The following HMGA2 variants were observed in gnomAD, a reference collection of about 807,000 sequenced individuals.
HMGA2 encodes high mobility group protein HMGI-C.
A neutral mutation model predicts 19.1 loss-of-function variants in HMGA2; 8 were observed. That is an observed-to-expected ratio of 0.42 (90% CI 0.25 to 0.76). The LOEUF is 0.76. HMGA2 is among the 30% of genes least tolerant of loss of function. The pLI, the probability that HMGA2 is intolerant of heterozygous loss-of-function variation, is 0.28. For synonymous variants in HMGA2, 60 were observed against 48.8 expected (o/e 1.23, Z -0.96); for missense variants, 109 against 136.3 (o/e 0.80, Z 1.00).
chr12:65,863,865 T>C (rs944922217), intron 3 of HMGA2, among the ~76,000 whole-genome samples: 1 of 152,204 alleles, frequency 6.6e-6, no homozygotes, highest in African/African-American at 2.4e-5. Flanking sequence ...TATGCCCAAC[T>C]TTGGCTAAGC....
chr12:65,843,311 C>T (rs1226192352), intron 3 of HMGA2: 1 of 213,824 alleles, frequency 4.7e-6, no homozygotes, highest in Non-Finnish European at 9.4e-6. Context: ...ATTTCCATTC[C>T]ATTGCTTTTG....
chr12:65,944,169 A>G (rs1000039239), intron 3 of HMGA2, among the ~76,000 whole-genome samples: 1 of 152,208 alleles, frequency 6.6e-6, no homozygotes, highest in Non-Finnish European at 1.5e-5. Context: ...AAACTTTTTG[A>G]TCACTTACTA....
At chr12:65,931,423 A>G (rs1218326621) in intron 3 of HMGA2, among the ~76,000 whole-genome samples, 2 of 152,162 alleles carry the variant, frequency 1.3e-5, no homozygotes, top group Non-Finnish European at 2.9e-5. Flanking sequence ...TCTCACAACT[A>G]TGTAAAGCAA....
intron 3 of HMGA2, among the ~76,000 whole-genome samples, chr12:65,870,211 C>T (rs73119902): frequency 0.018 from 2,676 of 152,298 alleles, 48 homozygotes; most frequent in South Asian, 0.04. Flanking sequence ...TGAATTTCAA[C>T]TATGTGTCAG....
intron 3 of HMGA2, chr12:65,915,223 C>G: frequency 6.3e-7 from 1 of 1,593,172 alleles, no homozygotes; most frequent in Non-Finnish European, 8.6e-7. Flanking sequence ...GTGGCTTTCT[C>G]CGATATAGAA....
At chr12:65,916,633 G>GC (rs1461058948) in intron 3 of HMGA2, among the ~76,000 whole-genome samples, 1 of 152,202 alleles carries the variant, frequency 6.6e-6, no homozygotes, top group African/African-American at 2.4e-5. Context: ...TGTGCAGGAT[G>GC]CCCCAAGAAG....
chr12:65,861,523 A>G (rs193109026), intron 3 of HMGA2, among the ~76,000 whole-genome samples: 1 of 151,996 alleles, frequency 6.6e-6, no homozygotes, highest in Admixed American at 6.5e-5. Context: ...GTGGGTCACT[A>G]TGGAACACTG....
intron 2 of HMGA2, chr12:65,830,850 C>A (rs1317312325): frequency 1.3e-5 from 2 of 151,822 alleles, no homozygotes; most frequent in African/African-American, 4.8e-5. Context: ...TATAAGAACA[C>A]AATTTCCTAT....
intron 3 of HMGA2, among the ~76,000 whole-genome samples, chr12:65,854,682 A>T (rs1322014146): frequency 2.0e-5 from 3 of 152,328 alleles, no homozygotes; most frequent in Non-Finnish European, 2.9e-5. Flanking sequence ...TCAGCTAGGT[A>T]TTAAGCCCAA....
At chr12:65,847,080 T>C (rs1336658977) in intron 3 of HMGA2, among the ~76,000 whole-genome samples, 1 of 152,214 alleles carries the variant, frequency 6.6e-6, no homozygotes, top group Non-Finnish European at 1.5e-5. Context: ...TATACATACA[T>C]ACTATATATA....
chr12:65,832,945 A>T (rs1478122740), intron 2 of HMGA2, among the ~76,000 whole-genome samples: 2 of 152,034 alleles, frequency 1.3e-5, no homozygotes, highest in Non-Finnish European at 2.9e-5. Context: ...TTAAACTTTG[A>T]AAATGATAAC....
intron 3 of HMGA2, chr12:65,857,115 A>C (rs1678527929): frequency 6.6e-6 from 1 of 152,244 alleles, no homozygotes; most frequent in African/African-American, 2.4e-5. Flanking sequence ...GTAAAGCATC[A>C]TATCCAACAT....
intron 2 of HMGA2, 50 bp downstream of exon 2, chr12:65,828,137 A>C: frequency 7.4e-7 from 1 of 1,352,646 alleles, no homozygotes; most frequent in Non-Finnish European, 1.1e-6. Context: ...GACTGACTAC[A>C]GGAGCCTGCC....
intron 3 of HMGA2, among the ~76,000 whole-genome samples, chr12:65,936,528 G>A (rs1468997545): frequency 6.6e-6 from 1 of 152,120 alleles, no homozygotes; most frequent in Admixed American, 6.6e-5. Flanking sequence ...GAGAGTGCAG[G>A]TTTTACATTG....
In HMGA2 at chr12:65,927,040, T is replaced by G. The variant is rs1341701493; in HGVS notation, c.250-24343T>G. ...GTGAATGGCGTGGATGTTACTCTTT[T>G]GCAAAGCAAGGAGGAGTTGCAGTGT... On this transcript the variant is annotated intron_variant, in intron 3 of 4. Transcript: ENST00000403681. 2.0e-5 allele frequency among the ~76,000 whole-genome samples: 3 copies of G among 152,232 alleles called. No individual in the cohort carries two copies. In the East Asian group the frequency reaches 5.8e-4, roughly 29 times the overall value.
intron 3 of HMGA2, among the ~76,000 whole-genome samples, chr12:65,945,884 T>A (rs761773297): frequency 6.6e-6 from 1 of 152,204 alleles, no homozygotes; most frequent in Non-Finnish European, 1.5e-5. Flanking sequence ...ATCTGTCAGT[T>A]CAGGCAGATA....
At chr12:65,882,998 C>G (rs1259879819) in intron 3 of HMGA2, among the ~76,000 whole-genome samples, 2 of 152,248 alleles carry the variant, frequency 1.3e-5, no homozygotes, top group African/African-American at 4.8e-5. Context: ...TCAACTCCAA[C>G]TAGGAGGAAG....
intron 3 of HMGA2, among the ~76,000 whole-genome samples, chr12:65,922,931 A>G (rs1300450120): frequency 6.6e-6 from 1 of 152,096 alleles, no homozygotes; most frequent in South Asian, 2.1e-4. Flanking sequence ...ACCACCATGT[A>G]AGAAGTGTCT....
At position 65,930,187 on chromosome 12, in the gene HMGA2, A is replaced by G. The variant is rs77169541; in HGVS notation, c.250-21196A>G. On this transcript the variant is annotated intron_variant, in intron 3 of 4. Coordinates refer to ENST00000403681, the MANE Select transcript of HMGA2 (RefSeq NM_003483.6). The stretch of plus-strand genomic sequence containing the variant: ...AATGCTTCTTTCCTGTGAGCTAGAC[A>G]GTAGGAAGTAATCTATCTTCAACCT... 8.0e-3 allele frequency among the ~76,000 whole-genome samples: 1,213 copies of G among 152,324 alleles called. 4 individuals carry two copies. Among genetic ancestry groups the G allele is most frequent in the Non-Finnish European group, 0.012 (844 of 68,030 alleles).
Sources: gnomAD v4.1 joint callset for allele counts (sites outside exome capture counted in the v4.1 genomes callset) on GRCh38, gnomAD v4.1.1 for gene constraint, MANE v1.5 for transcripts, NCBI Gene and HGNC (gene_info 2026-07-23, HGNC 2026-07-21) for gene names.